The following CALN1 variants were observed in gnomAD, a reference collection of about 807,000 sequenced individuals.
The protein encoded by CALN1 is calcium-binding protein 8.
In CALN1, 17 loss-of-function variants were observed where a neutral mutation model predicts 30.6. That is an observed-to-expected ratio of 0.56 (90% CI 0.38 to 0.83). The LOEUF (loss-of-function observed/expected upper bound fraction) is 0.83. CALN1 is among the 40% of genes least tolerant of loss of function. The pLI is 0.00. For synonymous variants in CALN1, 156 were observed against 131.4 expected, an observed-to-expected ratio of 1.19 and a Z score of -1.28; for missense variants, 291 against 354.9, an observed-to-expected ratio of 0.82 and a Z score of 1.45.
At chr7:71,897,121 A>T (rs1269670811) in intron 5 of CALN1, among the ~76,000 whole-genome samples, 4 of 152,122 alleles carry the variant, frequency 2.6e-5, no homozygotes, top group African/African-American at 9.7e-5. Flanking sequence ...TCATCCACCA[A>T]CACAAGAGAA....
chr7:72,337,032 C>G (rs1802109092), intron 2 of CALN1: 3 of 985,674 alleles, frequency 3.0e-6, no homozygotes, highest in Non-Finnish European at 2.4e-6. Flanking sequence ...CCCGCACCCC[C>G]TGCACCGCGC....
the CALN1 span, among the ~76,000 whole-genome samples, chr7:72,475,815 G>A: frequency 6.6e-6 from 1 of 152,030 alleles, no homozygotes; most frequent in Non-Finnish European, 1.5e-5. Flanking sequence ...CTGGTGAGAG[G>A]TAATTGAATC....
chr7:72,352,881 A>G, intron 2 of CALN1, among the ~76,000 whole-genome samples: 1 of 152,174 alleles, frequency 6.6e-6, no homozygotes. Flanking sequence ...AAATATGGCA[A>G]AAACACCAAG....
intron 3 of CALN1, among the ~76,000 whole-genome samples, chr7:72,207,951 C>A (rs1212430715): frequency 1.3e-5 from 2 of 152,086 alleles, no homozygotes; most frequent in Admixed American, 1.3e-4. Context: ...TTTACAAAAT[C>A]TCTGTGAAAC....
chr7:71,925,302 G>GA (rs1275650363), intron 5 of CALN1, among the ~76,000 whole-genome samples: 1 of 151,700 alleles, frequency 6.6e-6, no homozygotes, highest in Non-Finnish European at 1.5e-5. Flanking sequence ...GAAAAGAAAA[G>GA]AAAGAAGAAA....
At chr7:72,027,722 A>AC (rs1801155841) in intron 4 of CALN1, among the ~76,000 whole-genome samples, 1 of 93,664 alleles carries the variant, frequency 1.1e-5, no homozygotes, top group African/African-American at 7.3e-5. Flanking sequence ...AAAACAAACA[A>AC]ACAAACACAC....
At chr7:71,806,271 A>C (rs28789450) in intron 6 of CALN1, among the ~76,000 whole-genome samples, 31 of 93,268 alleles carry the variant, frequency 3.3e-4, no homozygotes, top group East Asian at 2.4e-3. Flanking sequence ...CACACACACA[A>C]ACACACACAC....
intron 4 of CALN1, among the ~76,000 whole-genome samples, chr7:72,040,796 A>T (rs1268565910): frequency 6.6e-6 from 1 of 152,168 alleles, no homozygotes; most frequent in East Asian, 1.9e-4. Context: ...AACTGCAAAA[A>T]GTGGTCATGT....
At chr7:72,367,826 C>A (rs1803964448) in intron 2 of CALN1, among the ~76,000 whole-genome samples, 1 of 151,838 alleles carries the variant, frequency 6.6e-6, no homozygotes, top group South Asian at 2.1e-4. Context: ...CAGAGCAAGA[C>A]CTTGTCTGTT....
At chr7:72,215,674 A>G (rs1477346383) in intron 3 of CALN1, among the ~76,000 whole-genome samples, 1 of 152,076 alleles carries the variant, frequency 6.6e-6, no homozygotes, top group Non-Finnish European at 1.5e-5. Context: ...TAATACTGCA[A>G]AAGACTTGAA....
In CALN1 at chr7:72,332,999, C is replaced by A. The variant is rs895350341; in HGVS notation, c.120-54189G>T. ...TCCCTGGGTCCTGACTAAAGGCCCC[C>A]ACCATCTATCATTCTGGTCACTTCT... On this transcript the variant is annotated intron_variant, in intron 2 of 6. Coordinates refer to ENST00000395275, the MANE Select transcript of CALN1 (RefSeq NM_031468.4). Among the ~76,000 whole-genome samples the A allele has an allele frequency of 5.3e-5, 8 of 152,170 alleles. No individual in the cohort carries two copies. The East Asian group carries it at 1.5e-3, about 29-fold the overall frequency.
intron 3 of CALN1, among the ~76,000 whole-genome samples, chr7:72,155,786 A>C (rs1787625907): frequency 6.6e-6 from 1 of 152,140 alleles, no homozygotes; most frequent in African/African-American, 2.4e-5. Flanking sequence ...GTCCAAAGTG[A>C]GTCTTATGGG....
intron 5 of CALN1, among the ~76,000 whole-genome samples, chr7:71,933,808 G>A (rs1027086628): frequency 5.3e-5 from 8 of 152,044 alleles, no homozygotes; most frequent in African/African-American, 1.7e-4. Flanking sequence ...TAAGTCACAC[G>A]GTCCTGCTGT....
At chr7:72,262,094 T>C (rs1282755247) in intron 3 of CALN1, among the ~76,000 whole-genome samples, 2 of 152,202 alleles carry the variant, frequency 1.3e-5, no homozygotes, top group African/African-American at 4.8e-5. Context: ...GAGGCCAGTG[T>C]CACCCTCCAT....
At chr7:72,081,176 C>G (rs1371317315) in intron 4 of CALN1, among the ~76,000 whole-genome samples, 1 of 152,076 alleles carries the variant, frequency 6.6e-6, no homozygotes, top group Non-Finnish European at 1.5e-5. Flanking sequence ...AAAAAACCAT[C>G]TTCAGAAACA....
intron 4 of CALN1, among the ~76,000 whole-genome samples, chr7:72,098,598 T>C (rs911104047): frequency 1.1e-4 from 17 of 151,934 alleles, no homozygotes; most frequent in African/African-American, 4.1e-4. Context: ...GTCCCAGCCA[T>C]TTGGGAGGCT....
intron 2 of CALN1, among the ~76,000 whole-genome samples, chr7:72,386,101 T>A (rs545721366): frequency 6.6e-6 from 1 of 152,134 alleles, no homozygotes; most frequent in African/African-American, 2.4e-5. Context: ...AAGGGAAAGG[T>A]TGAAGAGGTG....
At chr7:72,377,009 G>A (rs1055891699) in intron 2 of CALN1, among the ~76,000 whole-genome samples, 1 of 152,084 alleles carries the variant, frequency 6.6e-6, no homozygotes, top group African/African-American at 2.4e-5. Context: ...ATGTATATAG[G>A]TTTTCTTTTT....
chr7:72,174,910 T>C (rs1017530223), intron 3 of CALN1, among the ~76,000 whole-genome samples: 5 of 146,420 alleles, frequency 3.4e-5, no homozygotes, highest in South Asian at 2.2e-4. Context: ...ATGTAAACTA[T>C]ACCTCAATAT....
Sources: gnomAD v4.1 joint callset for allele counts (sites outside exome capture counted in the v4.1 genomes callset) on GRCh38, gnomAD v4.1.1 for gene constraint, MANE v1.5 for transcripts, NCBI Gene and HGNC (gene_info 2026-07-23, HGNC 2026-07-21) for gene names.